MMP26: variants seen among roughly 807,000 people sequenced by gnomAD.
The protein encoded by MMP26 is matrix metalloproteinase-26.
Under a neutral mutation model 31.0 loss-of-function variants are expected in MMP26, and 33 were observed. The observed-to-expected ratio is 1.06, with a 90% CI of 0.81 to 1.42. The LOEUF (loss-of-function observed/expected upper bound fraction) is 1.42, where lower values mean the gene tolerates loss of function less well. Among genes scored for constraint, MMP26 ranks in the 40% most tolerant of loss-of-function variants. The probability of loss-of-function intolerance (pLI) is 0.00; values close to 1 mark genes in which losing one functional copy is unlikely to be tolerated. For synonymous variants in MMP26, 122 were observed against 114.9 expected (o/e 1.06, Z -0.40); for missense variants, 347 against 316.1 (o/e 1.10, Z -0.74).
intron 2 of MMP26, chr11:4,821,229 A>C (rs1377824689): frequency 7.7e-6 from 5 of 646,216 alleles, no homozygotes; most frequent in Non-Finnish European, 1.1e-5. Context: ...TTTCTCAATA[A>C]ATGTGAAACA....
chr11:4,865,118 T>C (rs1458469913), intron 2 of MMP26, among the ~76,000 whole-genome samples: 1 of 152,098 alleles, frequency 6.6e-6, no homozygotes, highest in Non-Finnish European at 1.5e-5. Flanking sequence ...ATAGGCCTAG[T>C]GGAAGTCACA....
At chr11:4,717,529 T>G (rs184671550) in intron 1 of MMP26, among the ~76,000 whole-genome samples, 197 of 152,130 alleles carry the variant, frequency 1.3e-3, no homozygotes, top group African/African-American at 3.8e-3. Flanking sequence ...CCATGTTGTT[T>G]TTTTTTTTTC....
At chr11:4,844,303 G>C (rs1005079463) in intron 2 of MMP26, among the ~76,000 whole-genome samples, 3 of 152,004 alleles carry the variant, frequency 2.0e-5, no homozygotes, top group African/African-American at 7.2e-5. Context: ...GAAAAGCCTG[G>C]GATACGATGG....
At chr11:4,830,852 G>C (rs531215673) in intron 2 of MMP26, among the ~76,000 whole-genome samples, 3 of 151,424 alleles carry the variant, frequency 2.0e-5, no homozygotes, top group African/African-American at 4.9e-5. Flanking sequence ...CAGAAGCCAA[G>C]TGCAATAGGA....
intron 1 of MMP26, among the ~76,000 whole-genome samples, chr11:4,707,652 C>T (rs369724285): frequency 6.6e-5 from 10 of 152,272 alleles, no homozygotes; most frequent in African/African-American, 2.4e-4. Context: ...GAGAAAACTG[C>T]TTGTTTTCCT....
At chr11:4,897,809 G>T in intron 2 of MMP26, among the ~76,000 whole-genome samples, 1 of 150,214 alleles carries the variant, frequency 6.7e-6, no homozygotes, top group African/African-American at 2.4e-5. Flanking sequence ...TATTTATCCT[G>T]TATGTAATTA....
intron 2 of MMP26, among the ~76,000 whole-genome samples, chr11:4,909,912 A>T (rs1444639584): frequency 6.6e-6 from 1 of 152,138 alleles, no homozygotes; most frequent in African/African-American, 2.4e-5. Flanking sequence ...CAACAGAGTA[A>T]CATAAAGACA....
At chr11:4,914,982 G>C in intron 2 of MMP26, 1 of 1,614,064 alleles carries the variant, frequency 6.2e-7, no homozygotes. Context: ...AGCACGGTGC[G>C]CAGGATCAGA....
chr11:4,893,758 T>C (rs1412304661), intron 2 of MMP26, among the ~76,000 whole-genome samples: 2 of 152,124 alleles, frequency 1.3e-5, no homozygotes, highest in Admixed American at 6.6e-5. Flanking sequence ...ATATTTTTGG[T>C]ATAATGAGAT....
chr11:4,748,329 A>G (rs1354802796), intron 1 of MMP26, among the ~76,000 whole-genome samples: 2 of 152,022 alleles, frequency 1.3e-5, no homozygotes, highest in Non-Finnish European at 2.9e-5. Flanking sequence ...AAAAATCCAG[A>G]ACCAGATGGA....
chr11:4,751,128 G>T (rs548317895), intron 1 of MMP26, among the ~76,000 whole-genome samples: 1 of 152,206 alleles, frequency 6.6e-6, no homozygotes, highest in South Asian at 2.1e-4. Context: ...TGAATCAAGG[G>T]AGTTATCACT....
chr11:4,754,257 A>G (rs1308328019), intron 1 of MMP26, among the ~76,000 whole-genome samples: 1 of 151,934 alleles, frequency 6.6e-6, no homozygotes, highest in African/African-American at 2.4e-5. Flanking sequence ...CTGTCTAATA[A>G]TAATAATGAT....
chr11:4,808,735 C>T (rs1272199955), intron 2 of MMP26, among the ~76,000 whole-genome samples: 1 of 149,138 alleles, frequency 6.7e-6, no homozygotes, highest in Non-Finnish European at 1.5e-5. Flanking sequence ...ATTCTGCTTG[C>T]TCTGCTTTTC....
At chr11:4,769,885 A>G (rs776229953) in intron 2 of MMP26, 167 of 1,610,564 alleles carry the variant, frequency 1.0e-4, no homozygotes, top group Non-Finnish European at 1.4e-4. Context: ...AGAAGGTTGG[A>G]AATTTAGATG....
chr11:4,762,967 G>A lies in MMP26; in HGVS notation c.-216-4303G>A, dbSNP rs113616307. Among the ~76,000 whole-genome samples the A allele has an allele frequency of 4.3e-3, 662 of 152,258 alleles. 3 individuals are homozygous for A. Among genetic ancestry groups the A allele is most frequent in the African/African-American group, 0.014 (590 of 41,560 alleles). On this transcript the variant is annotated intron_variant, in intron 1 of 7. Transcript: ENST00000380390. The stretch of plus-strand genomic sequence containing the variant: ...ATTTTAAAGAAAAGTACACAGGATT[G>A]GGATTTAGTATCTTCTTGGCAGGTG...
chr11:4,745,728 T>C (rs1283743228), intron 1 of MMP26, among the ~76,000 whole-genome samples: 1 of 152,176 alleles, frequency 6.6e-6, no homozygotes, highest in South Asian at 2.1e-4. Context: ...AATAGTTCCA[T>C]TGCCCTAAAA....
At chr11:4,911,744 C>T (rs1057409405) in intron 2 of MMP26, among the ~76,000 whole-genome samples, 9 of 152,160 alleles carry the variant, frequency 5.9e-5, no homozygotes, top group African/African-American at 2.2e-4. Flanking sequence ...CCCATTCAAT[C>T]GCTCTCAACC....
chr11:4,711,594 C>G (rs1480311049), intron 1 of MMP26: 1 of 152,094 alleles, frequency 6.6e-6, no homozygotes, highest in Non-Finnish European at 1.5e-5. Context: ...CTCATGCAAC[C>G]CACTGAATAC....
intron 2 of MMP26, among the ~76,000 whole-genome samples, chr11:4,850,971 A>C (rs1444607012): frequency 3.3e-5 from 5 of 152,000 alleles, no homozygotes; most frequent in Non-Finnish European, 7.4e-5. Flanking sequence ...CAAAACCCTT[A>C]ATCCCACAGA....
Sources: gnomAD v4.1 joint callset for allele counts (sites outside exome capture counted in the v4.1 genomes callset) on GRCh38, gnomAD v4.1.1 for gene constraint, MANE v1.5 for transcripts, NCBI Gene and HGNC (gene_info 2026-07-23, HGNC 2026-07-21) for gene names.